The following HOOK1 variants were observed in gnomAD, a reference collection of about 807,000 sequenced individuals.
The protein encoded by HOOK1 is hook microtubule tethering protein 1.
HOOK1 carries 60 observed loss-of-function variants against 112.8 expected under a neutral mutation model. The ratio of observed to expected loss-of-function variants is 0.53; its 90% confidence interval spans 0.43 to 0.66. The LOEUF (loss-of-function observed/expected upper bound fraction) is 0.66, where lower values mean the gene tolerates loss of function less well. Among genes scored for constraint, HOOK1 ranks in the 30% least tolerant of loss-of-function variants. HOOK1 has a pLI of 0.00. For synonymous variants in HOOK1, 294 were observed against 283.8 expected (o/e 1.04, Z -0.36); for missense variants, 770 against 856.0 (o/e 0.90, Z 1.25).
chr1:59,828,751 C>T, intron 2 of HOOK1, 29 bp from the exon 3 acceptor site: 2 of 1,599,844 alleles, frequency 1.3e-6, no homozygotes, highest in South Asian at 2.2e-5. Context: ...ACATTTTCAT[C>T]TTTAGTATTT....
chr1:59,874,073 T>C lies in HOOK1; in HGVS notation c.*1108T>C, dbSNP rs1644097548. ...AAAAGTTAGCACTTTTGAATTTTAG[T>C]TGTGTTAAATATGTGCTGTCGTATA... is the stretch of plus-strand genomic sequence containing the variant. On this transcript the variant is annotated 3_prime_UTR_variant, in exon 22 of 22. Transcript: ENST00000371208. The C allele has an allele frequency of 6.6e-6, 1 of 152,044 alleles. No individual in the cohort carries two copies. Among genetic ancestry groups the C allele is most frequent in the South Asian group, 2.1e-4 (1 of 4,822 alleles). The allele number at this position is 152,044 out of a possible 1,614,324, so 9.4% of individuals were successfully genotyped here.
chr1:59,832,340 T>C, intron 4 of HOOK1, 127 bp downstream of exon 4: 1 of 610,450 alleles, frequency 1.6e-6, no homozygotes, highest in Non-Finnish European at 2.9e-6. Flanking sequence ...AGAACATGTT[T>C]TATTGTCATT....
At chr1:59,860,865 A>G (rs377379354) in intron 15 of HOOK1, among the ~76,000 whole-genome samples, 1 of 150,902 alleles carries the variant, frequency 6.6e-6, no homozygotes, top group Non-Finnish European at 1.5e-5. Context: ...CTTCCGCCTC[A>G]CGGGTTCAAG....
At chr1:59,856,802 C>T (rs2098411004) in intron 12 of HOOK1, among the ~76,000 whole-genome samples, 1 of 152,116 alleles carries the variant, frequency 6.6e-6, no homozygotes, top group Non-Finnish European at 1.5e-5. Context: ...ACCTTCAGTG[C>T]TTAGGCAGTT....
intron 1 of HOOK1, among the ~76,000 whole-genome samples, chr1:59,819,726 A>G (rs2098384225): frequency 6.6e-6 from 1 of 152,152 alleles, no homozygotes; most frequent in African/African-American, 2.4e-5. Context: ...TCAATTTTGT[A>G]AAAAGTTAAT....
chr1:59,871,716 A>G (rs1430845289), intron 21 of HOOK1, among the ~76,000 whole-genome samples: 1 of 152,210 alleles, frequency 6.6e-6, no homozygotes, highest in Non-Finnish European at 1.5e-5. Context: ...GCATTATTCT[A>G]GTCAGCCAGA....
intron 10 of HOOK1, 136 bp downstream of exon 10, chr1:59,847,321 T>C: frequency 1.4e-6 from 1 of 724,574 alleles, no homozygotes; most frequent in Non-Finnish European, 2.2e-6. Context: ...TCCAGGCTGA[T>C]AGTTTTAACT....
rs553339725 is a variant in HOOK1, at chr1:59,873,167, A to G, written c.*202A>G. On this transcript the variant is annotated 3_prime_UTR_variant, in exon 22 of 22. Transcript: ENST00000371208. The stretch of plus-strand genomic sequence containing the variant: ...ATAGAATTAGCCATCTCTCTGAGGG[A>G]GCACATTTGAATAATTGGAGATGCA... 13 of 389,282 alleles carry G rather than the reference A, an allele frequency of 3.3e-5. No individual in the cohort carries two copies. In the East Asian group the frequency reaches 5.0e-4, roughly 15 times the overall value. The allele number at this position is 389,282 out of a possible 1,614,324, so 24.1% of individuals were successfully genotyped here.
chr1:59,814,975 AG>A lies in HOOK1; in HGVS notation c.-140del. ...TGACGCCGGACGCGTCGACAGCGCG[AG>A]GGTTCGCGCGTGAGCTGCGCGGGTC... On this transcript the variant is annotated 5_prime_UTR_variant, in exon 1 of 22. Transcript: ENST00000371208. 2.6e-6 allele frequency: 2 copies of A among 764,226 alleles called. No homozygotes were observed. Among genetic ancestry groups the A allele is most frequent in the South Asian group, 3.5e-5 (2 of 57,936 alleles). The allele number at this position is 764,226 out of a possible 1,614,324, so 47.3% of individuals were successfully genotyped here.
chr1:59,821,762 G>GT lies in HOOK1; in HGVS notation c.64-88dup, dbSNP rs200643568. ...AAACAGGACCATGTTTTTTTTTTTT[G>GT]TTTTTTTTAGCTGTTTTCAATTTAT... On this transcript the variant is annotated intron_variant, in intron 1 of 21. Transcript: ENST00000371208. 1,512 of 723,392 alleles carry GT rather than the reference G, an allele frequency of 2.1e-3. 13 individuals carry two copies. Among genetic ancestry groups the GT allele is most frequent in the African/African-American group, 0.015 (761 of 51,702 alleles). The allele number at this position is 723,392 out of a possible 1,614,324, so 44.8% of individuals were successfully genotyped here.
intron 17 of HOOK1, 136 bp downstream of exon 17, chr1:59,864,802 A>G (rs1226613690): frequency 1.6e-6 from 1 of 632,134 alleles, no homozygotes; most frequent in Non-Finnish European, 2.8e-6. Flanking sequence ...TGCAAAAGTG[A>G]AAAGCATGCT....
intron 12 of HOOK1, among the ~76,000 whole-genome samples, chr1:59,857,099 G>C (rs1008157519): frequency 6.6e-6 from 1 of 152,154 alleles, no homozygotes; most frequent in African/African-American, 2.4e-5. Context: ...TTTGCCAAAT[G>C]TCTCGGAAAT....
At chr1:59,823,314 C>T (rs1344202679) in intron 2 of HOOK1, among the ~76,000 whole-genome samples, 3 of 152,048 alleles carry the variant, frequency 2.0e-5, no homozygotes, top group South Asian at 2.1e-4. Flanking sequence ...AGCAAGACTC[C>T]GTCTCAAAAA....
intron 12 of HOOK1, among the ~76,000 whole-genome samples, chr1:59,849,931 C>T (rs990908865): frequency 5.9e-5 from 9 of 151,446 alleles, no homozygotes; most frequent in African/African-American, 2.2e-4. Context: ...TGTTTATGTA[C>T]AAATTTTTAT....
At chr1:59,854,028 ATATATATATATTTTTTTTTTTTTTTT>A (rs1559056954) in intron 12 of HOOK1, among the ~76,000 whole-genome samples, 7 of 23,404 alleles carry the variant, frequency 3.0e-4, no homozygotes, top group African/African-American at 1.1e-3. Context: ...ATATATATAT[ATATATATATATTTTTTTTTTTTTTTT>A]TTTTTTTTTT....
At chr1:59,835,936 G>A (rs1022591402) in intron 6 of HOOK1, among the ~76,000 whole-genome samples, 3 of 151,980 alleles carry the variant, frequency 2.0e-5, no homozygotes, top group Admixed American at 1.3e-4. Context: ...ATGGACTGGT[G>A]CCAGTCCATG....
At position 59,865,936 on chromosome 1, in the gene HOOK1, G is replaced by A; in HGVS notation, c.1809G>A (p.Glu603=). The change falls in exon 19 of 22, where the codon GAG becomes GAA. Residue 603 remains glutamate, a synonymous_variant. Transcript: ENST00000371208. ...QKKDEDMKAM[E]ERYKMYLEKA... is the part of the protein sequence containing the mutation. The stretch of plus-strand genomic sequence containing the variant: ...AAGATGAAGATATGAAAGCAATGGA[G>A]GAAAGATATAAAATGTACTTGGAGA... The A allele has an allele frequency of 3.1e-6, 5 of 1,597,938 alleles. No individual in the cohort carries two copies. The highest frequency in any genetic ancestry group is 4.3e-6 in the Non-Finnish European group (5 of 1,171,406).
intron 18 of HOOK1, among the ~76,000 whole-genome samples, 169 bp downstream of exon 18, chr1:59,865,414 A>G (rs1455435311): frequency 2.0e-5 from 3 of 152,200 alleles, no homozygotes; most frequent in Non-Finnish European, 4.4e-5. Flanking sequence ...TAAAAGATAT[A>G]TTATTAAAGC....
intron 12 of HOOK1, among the ~76,000 whole-genome samples, chr1:59,858,227 T>C (rs2098411710): frequency 6.6e-6 from 1 of 152,198 alleles, no homozygotes; most frequent in South Asian, 2.1e-4. Context: ...AAAGATAAGC[T>C]ATCTGATGGG....
Sources: gnomAD v4.1 joint callset for allele counts (sites outside exome capture counted in the v4.1 genomes callset) on GRCh38, gnomAD v4.1.1 for gene constraint, MANE v1.5 for transcripts, NCBI Gene and HGNC (gene_info 2026-07-23, HGNC 2026-07-21) for gene names.